MAP3K5: variants seen among roughly 807,000 people sequenced by gnomAD.
MAP3K5 encodes the protein mitogen-activated protein kinase kinase kinase 5.
Under a neutral mutation model 158.7 loss-of-function variants are expected in MAP3K5, and 56 were observed. The observed-to-expected ratio is 0.35, with a 90% CI of 0.28 to 0.44. The LOEUF is 0.44. Ranked by LOEUF, MAP3K5 falls within the 20% of genes least tolerant of loss-of-function variation. MAP3K5 has a pLI of 1.00. For missense variants in MAP3K5, 1,294 were observed against 1,674.8 expected, an observed-to-expected ratio of 0.77 and a Z score of 3.97; for synonymous variants, 579 against 601.7, an observed-to-expected ratio of 0.96 and a Z score of 0.55.
intron 28 of MAP3K5, among the ~76,000 whole-genome samples, chr6:136,561,152 C>T (rs887143224): frequency 6.6e-6 from 1 of 152,036 alleles, no homozygotes; most frequent in Admixed American, 6.6e-5. Context: ...GTACACACTG[C>T]AGCCCCACTG....
At chr6:136,657,891 C>A (rs1778818880) in intron 9 of MAP3K5, among the ~76,000 whole-genome samples, 2 of 152,176 alleles carry the variant, frequency 1.3e-5, no homozygotes, top group African/African-American at 4.8e-5. Flanking sequence ...AGAGCCGAGG[C>A]TGGAATGGCT....
intron 25 of MAP3K5, among the ~76,000 whole-genome samples, chr6:136,579,664 T>A (rs1235433595): frequency 6.6e-6 from 1 of 152,232 alleles, no homozygotes; most frequent in Non-Finnish European, 1.5e-5. Flanking sequence ...GTAGATTCAC[T>A]GATTGTAACC....
intron 1 of MAP3K5, among the ~76,000 whole-genome samples, chr6:136,742,219 C>T (rs774278658): frequency 2.0e-5 from 3 of 152,026 alleles, no homozygotes; most frequent in Admixed American, 6.6e-5. Context: ...CTGACATTAC[C>T]TGATTTCAAA....
intron 19 of MAP3K5, among the ~76,000 whole-genome samples, chr6:136,602,461 G>A (rs1046744654): frequency 3.0e-4 from 45 of 152,084 alleles, no homozygotes; most frequent in African/African-American, 9.6e-4. Context: ...ATGCCACCAC[G>A]CCTGGCTAAT....
intron 10 of MAP3K5, 186 bp downstream of exon 10, chr6:136,656,121 C>A: frequency 1.8e-6 from 1 of 559,126 alleles, no homozygotes; most frequent in Non-Finnish European, 3.2e-6. Flanking sequence ...GATCTCATTT[C>A]TCTGATTTTG....
rs765658251 is a variant in MAP3K5, at chr6:136,567,704, C to T, written c.3688G>A (p.Val1230Met). The change falls in exon 26 of 30, where the codon GTG (valine) becomes ATG (methionine). Residue 1230 changes from valine (V) to methionine (M), a missense_variant. By Grantham distance (21) the Val-to-Met change is conservative (BLOSUM62 1). Coordinates refer to ENST00000359015, the MANE Select transcript of MAP3K5 (RefSeq NM_005923.4). ...TGAGCACTCTGGGAATCATGAGACA[C>T]AGTAGAACTGAGCGTGCTCACGCCT... Reference protein sequence around the residue: ...TSGVSTLSSTVSHDSQSAHRS... With the variant: ...TSGVSTLSSTMSHDSQSAHRS... 6.2e-7 allele frequency: 1 copy of T among 1,614,154 alleles called. No individual in the cohort carries two copies. Among genetic ancestry groups the T allele is most frequent in the South Asian group, 1.1e-5 (1 of 91,088 alleles).
In MAP3K5 at chr6:136,791,690, G is replaced by C. The variant is rs765471864; in HGVS notation, c.448+20C>G. ...CGCGGGTCCCGACCGCGCGGGATGG[G>C]AAAGGGGTCACACACGCACCTGCAT... On this transcript the variant is annotated intron_variant, in intron 1 of 29. Coordinates refer to ENST00000359015, the MANE Select transcript of MAP3K5 (RefSeq NM_005923.4). 2.5e-6 allele frequency: 4 copies of C among 1,612,142 alleles called. No individual in the cohort carries two copies. The highest frequency in any genetic ancestry group is 2.5e-6 in the Non-Finnish European group (3 of 1,179,402).
In MAP3K5 at chr6:136,588,775, G is replaced by A. The variant is rs189411346; in HGVS notation, c.3225+3398C>T. ...AGCCAAAGGAAAGGCCAGAGAGAAAGCTGATGGCTCGAGACCACTCCAGTC... is the reference window on the plus strand; with the variant it reads ...AGCCAAAGGAAAGGCCAGAGAGAAAACTGATGGCTCGAGACCACTCCAGTC... On this transcript the variant is annotated intron_variant, in intron 23 of 29. Transcript: ENST00000359015. Among the ~76,000 whole-genome samples the A allele has an allele frequency of 2.6e-5, 4 of 152,280 alleles. No individual in the cohort carries two copies. In the East Asian group the frequency reaches 7.7e-4, roughly 29 times the overall value.
intron 1 of MAP3K5, among the ~76,000 whole-genome samples, chr6:136,771,720 C>T (rs1784206339): frequency 6.6e-6 from 1 of 152,164 alleles, no homozygotes; most frequent in Admixed American, 6.5e-5. Context: ...CTGGCTTGCC[C>T]TTGAATTCTT....
chr6:136,597,072 G>A (rs951359915), intron 21 of MAP3K5, among the ~76,000 whole-genome samples: 1 of 152,176 alleles, frequency 6.6e-6, no homozygotes, highest in African/African-American at 2.4e-5. Context: ...GGCTGACCAC[G>A]AAGAGTCTAA....
intron 8 of MAP3K5, among the ~76,000 whole-genome samples, chr6:136,664,801 C>T (rs546303344): frequency 1.5e-4 from 23 of 152,194 alleles, no homozygotes; most frequent in South Asian, 6.2e-4. Flanking sequence ...CATGGTGGCA[C>T]GCACCTGTAA....
chr6:136,705,196 T>G (rs1781020919), intron 2 of MAP3K5, 63 bp from the exon 3 acceptor site: 1 of 766,256 alleles, frequency 1.3e-6, no homozygotes, highest in Non-Finnish European at 2.1e-6. Context: ...CAACAACATT[T>G]ATTGAACTAT....
chr6:136,731,006 G>A (rs758711038), intron 1 of MAP3K5, among the ~76,000 whole-genome samples: 3 of 152,176 alleles, frequency 2.0e-5, no homozygotes, highest in Non-Finnish European at 2.9e-5. Flanking sequence ...ACAACCACAC[G>A]TGACAACATG....
At chr6:136,770,795 G>T (rs1169553938) in intron 1 of MAP3K5, among the ~76,000 whole-genome samples, 2 of 152,038 alleles carry the variant, frequency 1.3e-5, no homozygotes, top group African/African-American at 4.8e-5. Context: ...ATACTTCTCG[G>T]ATATATGTAT....
At chr6:136,631,873 T>C (rs1181314822) in intron 14 of MAP3K5, among the ~76,000 whole-genome samples, 1 of 152,136 alleles carries the variant, frequency 6.6e-6, no homozygotes, top group East Asian at 1.9e-4. Flanking sequence ...ACATTAACAG[T>C]CCAGTCCAGT....
In MAP3K5 at chr6:136,611,136, A is replaced by G. The variant is rs569350513; in HGVS notation, c.2521+146T>C. 3.0e-3 allele frequency: 1,294 copies of G among 427,562 alleles called. 28 individuals carry two copies. Among genetic ancestry groups the G allele is most frequent in the African/African-American group, 0.027 (1,210 of 44,294 alleles). 26.5% of individuals were successfully genotyped at this position (427,562 alleles called of 1,614,324 possible). ...AAAAAAAAAAAAAAAAAAAAAAAAG[A>G]AAGAAAAGAAAAGAAAAGAAAGAAA... On this transcript the variant is annotated intron_variant, in intron 18 of 29. Coordinates refer to ENST00000359015, the MANE Select transcript of MAP3K5 (RefSeq NM_005923.4).
rs544556650 is a variant in MAP3K5 at position 136,788,965 on chromosome 6, C to T, written c.448+2745G>A. On this transcript the variant is annotated intron_variant, in intron 1 of 29. Coordinates refer to ENST00000359015, the MANE Select transcript of MAP3K5 (RefSeq NM_005923.4). ...CACCAAACCAGATATTGAATGTTCT[C>T]ACTCATAAGTGGGAGCTAAACATTG... Among the ~76,000 whole-genome samples, 34 of 152,318 alleles carry T rather than the reference C, an allele frequency of 2.2e-4. 1 individual carries two copies. Among genetic ancestry groups the T allele is most frequent in the African/African-American group, 8.2e-4 (34 of 41,560 alleles).
intron 1 of MAP3K5, among the ~76,000 whole-genome samples, chr6:136,726,340 C>T (rs1781964633): frequency 1.3e-5 from 2 of 152,206 alleles, no homozygotes; most frequent in African/African-American, 4.8e-5. Flanking sequence ...CACCTGTAAT[C>T]TCAACACTTT....
At chr6:136,641,862 C>A (rs570578587) in intron 12 of MAP3K5, among the ~76,000 whole-genome samples, 2 of 151,350 alleles carry the variant, frequency 1.3e-5, no homozygotes, top group East Asian at 3.9e-4. Flanking sequence ...GTGACATGCG[C>A]CCGTAATCCC....
Sources: allele counts gnomAD v4.1 joint callset (sites outside exome capture counted in the v4.1 genomes callset), GRCh38; gene constraint gnomAD v4.1.1; transcripts MANE v1.5; gene names NCBI Gene and HGNC (gene_info 2026-07-23, HGNC 2026-07-21).